Variants in TMPRSS6 observed in about 807,000 individuals in gnomAD.
The protein encoded by TMPRSS6 is transmembrane protease serine 6.
Under a neutral mutation model 101.5 loss-of-function variants are expected in TMPRSS6, and 67 were observed. The observed-to-expected ratio is 0.66, with a 90% confidence interval of 0.54 to 0.81. The LOEUF (loss-of-function observed/expected upper bound fraction) is 0.81. Among genes scored for constraint, TMPRSS6 ranks in the 30% least tolerant of loss-of-function variants. The pLI is 0.00. For synonymous variants in TMPRSS6, 453 were observed against 464.9 expected (o/e 0.97, Z 0.33); for missense variants, 1,034 against 1,088.7 (o/e 0.95, Z 0.71).
chr22:37,075,677 T>C (rs1230407760), intron 10 of TMPRSS6, among the ~76,000 whole-genome samples: 1 of 152,006 alleles, frequency 6.6e-6, no homozygotes, highest in African/African-American at 2.4e-5. Flanking sequence ...CTGAGGTGGG[T>C]GGATCACCTG....
At chr22:37,082,082 A>G (rs1928315764) in intron 10 of TMPRSS6, among the ~76,000 whole-genome samples, 2 of 152,288 alleles carry the variant, frequency 1.3e-5, no homozygotes, top group African/African-American at 2.4e-5. Flanking sequence ...GGGCCTTCCC[A>G]CAGGAAGCAT....
chr22:37,096,177 T>TCCGCACCTC, intron 4 of TMPRSS6, 87 bp from the exon 5 acceptor site: 1 of 1,458,334 alleles, frequency 6.9e-7, no homozygotes, highest in South Asian at 1.2e-5. Context: ...TCGAGCACTT[T>TCCGCACCTC]CCGCACCTCA....
intron 10 of TMPRSS6, among the ~76,000 whole-genome samples, chr22:37,078,480 C>T (rs1048574201): frequency 1.3e-5 from 2 of 152,052 alleles, no homozygotes; most frequent in Non-Finnish European, 2.9e-5. Flanking sequence ...GCCTGGAGCA[C>T]GGGTAGAGGT....
chr22:37,073,007 A>T (rs111524440), intron 13 of TMPRSS6, among the ~76,000 whole-genome samples: 6,704 of 147,058 alleles, frequency 0.046, 492 homozygotes, highest in African/African-American at 0.16. Context: ...TGATGGATGG[A>T]TGATGGATGG....
At chr22:37,091,085 ATCATTCATTCAT>A (rs561861674) in intron 6 of TMPRSS6, among the ~76,000 whole-genome samples, 1 of 151,790 alleles carries the variant, frequency 6.6e-6, no homozygotes, top group African/African-American at 2.4e-5. Context: ...TACCACCTGC[ATCATTCATTCAT>A]TCATTCATTC....
At chr22:37,085,707 TG>T (rs1185546037) in intron 8 of TMPRSS6, among the ~76,000 whole-genome samples, 2 of 148,456 alleles carry the variant, frequency 1.3e-5, no homozygotes, top group Non-Finnish European at 3.0e-5. Context: ...AGGAGGAGGG[TG>T]GGGGCTGGGA....
In TMPRSS6 at chr22:37,103,381, G is replaced by A. The variant is rs769829956; in HGVS notation, c.37C>T (p.Gln13Ter). ...TCCTCGCCATCACCTCCGTCCCCCT[G>A]CCCGCCAGCCACCTGGGGGGCCTCG... ...VAEAPQVAGG[Q>*]GDGGDGEEAE... The change falls in exon 2 of 18, where the codon CAG (glutamine) becomes TAG (stop). Residue 13 changes from glutamine to a stop codon, truncating the protein, a stop_gained. Coordinates refer to ENST00000676104, the MANE Select transcript of TMPRSS6 (RefSeq NM_001374504.1). LOFTEE classifies it high-confidence loss of function. This position sits in a 1 kb window ranked among gnomAD's most constrained non-coding sequence, Gnocchi z 4.4. 3.7e-6 allele frequency: 6 copies of A among 1,614,028 alleles called. No homozygotes were observed. The African/African-American group carries it at 8.0e-5, about 22-fold the overall frequency.
In TMPRSS6 at chr22:37,096,533, C is replaced by G. The variant is rs182593163; in HGVS notation, c.404+115G>C. ...CAGGAAGCCAAGTTCCCTCTCTATG[C>G]CTTAGTTTCCCCATTTGAAACATGA... is the stretch of plus-strand genomic sequence containing the variant. On this transcript the variant is annotated intron_variant, in intron 4 of 17. Transcript: ENST00000676104. 9 of 1,195,480 alleles carry G rather than the reference C, an allele frequency of 7.5e-6. No individual in the cohort carries two copies. In the Admixed American group the frequency reaches 1.8e-4, roughly 24 times the overall value. The allele number at this position is 1,195,480 out of a possible 1,614,324, so 74.1% of individuals were successfully genotyped here.
rs111225958 is a variant in TMPRSS6, at chr22:37,075,000, T to TAC, written c.1342+133_1342+134dup. 12,043 of 1,411,180 alleles carry TAC rather than the reference T, an allele frequency of 8.5e-3. 30 individuals carry two copies. The highest frequency in any genetic ancestry group is 0.017 in the Middle Eastern group (86 of 5,048). The allele number at this position is 1,411,180 out of a possible 1,614,324, so 87.4% of individuals were successfully genotyped here. A position where few individuals can be genotyped will look rare whatever the true frequency, so the allele number is the denominator to read the frequency against. ...AGCTGCATAAATTTGTGCAAGCACA[T>TAC]ACACACACACACACACTCTCTCTCT... On this transcript the variant is annotated intron_variant, in intron 11 of 17. Coordinates refer to ENST00000676104, the MANE Select transcript of TMPRSS6 (RefSeq NM_001374504.1).
intron 8 of TMPRSS6, 57 bp from the exon 9 acceptor site, chr22:37,084,896 C>G: frequency 7.2e-7 from 1 of 1,382,902 alleles, no homozygotes; most frequent in Non-Finnish European, 1.0e-6. Flanking sequence ...TCCCAGCAGG[C>G]TGGCGCAGCT....
Position 37,100,578 on chromosome 22 carries a change from T to G in TMPRSS6, c.203-2029A>C, listed in dbSNP as rs564880319. ...GTAAGGGGAAGGTGCCAGAAAGAAG[T>G]GGTCTTGGACTGGGATGTTGGAGGT... On this transcript the variant is annotated intron_variant, in intron 2 of 17. Transcript: ENST00000676104. Among the ~76,000 whole-genome samples the G allele has an allele frequency of 9.9e-5, 15 of 152,208 alleles. No individual in the cohort carries two copies. In the South Asian group the frequency reaches 1.9e-3, roughly 19 times the overall value.
At chr22:37,082,573 G>A (rs1322450824) in intron 10 of TMPRSS6, 1 of 182,212 alleles carries the variant, frequency 5.5e-6, no homozygotes, top group African/African-American at 2.4e-5. Context: ...GTAGCAAGGA[G>A]GCTTCAAGTG....
At position 37,098,452 on chromosome 22, in the gene TMPRSS6, A is replaced by G. The variant is rs1351326974; in HGVS notation, c.300T>C (p.Ser100=). The change falls in exon 3 of 18, where the codon AGT becomes AGC. Residue 100 remains serine (S), a synonymous_variant. Transcript: ENST00000676104. ...FSQDLTRRES[S]AFRSETAKAQ... ...CTTTGGCGGTTTCACTGCGGAAGGCACTAGATTCCCGGCGGGTAAGATCCT... is the reference window on the plus strand; with the variant it reads ...CTTTGGCGGTTTCACTGCGGAAGGCGCTAGATTCCCGGCGGGTAAGATCCT... The G allele has an allele frequency of 6.2e-7, 1 of 1,613,354 alleles. No homozygotes were observed. Among genetic ancestry groups the G allele is most frequent in the African/African-American group, 1.3e-5 (1 of 74,588 alleles).
chr22:37,102,536 G>C (rs79352558), intron 2 of TMPRSS6, among the ~76,000 whole-genome samples: 1 of 152,182 alleles, frequency 6.6e-6, no homozygotes, highest in Non-Finnish European at 1.5e-5. Context: ...ATGAATGAAT[G>C]AACGGAGGCC....
At chr22:37,077,200 A>AT (rs201297123) in intron 10 of TMPRSS6, among the ~76,000 whole-genome samples, 2,795 of 152,248 alleles carry the variant, frequency 0.018, 30 homozygotes, top group Non-Finnish European at 0.027. Flanking sequence ...CTCTCATCCC[A>AT]TTTTACAGAT....
rs529212316 is a variant in TMPRSS6 at position 37,069,954 on chromosome 22, T to A, written c.1841+530A>T. Among the ~76,000 whole-genome samples the A allele has an allele frequency of 4.6e-5, 7 of 152,152 alleles. No homozygotes were observed. Among genetic ancestry groups the A allele is most frequent in the African/African-American group, 1.4e-4 (6 of 41,506 alleles). On this transcript the variant is annotated intron_variant, in intron 15 of 17. Coordinates refer to ENST00000676104, the MANE Select transcript of TMPRSS6 (RefSeq NM_001374504.1). This position sits in a 1 kb window ranked among gnomAD's most constrained non-coding sequence, Gnocchi z 4.8. The stretch of plus-strand genomic sequence containing the variant: ...GTCCCAGAGAGGATACAAAAGGGGA[T>A]CCCTGTGCAGGGCCTGGGGGCGGGA...
chr22:37,106,890 G>A (rs1022840718), intron 1 of TMPRSS6, among the ~76,000 whole-genome samples: 3 of 152,218 alleles, frequency 2.0e-5, no homozygotes, highest in Non-Finnish European at 2.9e-5. Context: ...GCCAGGCACT[G>A]GGTTCTGGGC....
rs537186519 is a variant in TMPRSS6, at chr22:37,077,457, CAG to C, written c.1197-2179_1197-2178del. 8.7e-4 allele frequency among the ~76,000 whole-genome samples: 132 copies of C among 152,358 alleles called. 1 individual carries two copies. The highest frequency in any genetic ancestry group is 6.8e-3 in the Middle Eastern group (2 of 294). On this transcript the variant is annotated intron_variant, in intron 10 of 17. Coordinates refer to ENST00000676104, the MANE Select transcript of TMPRSS6 (RefSeq NM_001374504.1). The stretch of plus-strand genomic sequence containing the variant: ...CAACCAGCAGTTCTCAAAGCACAGT[CAG>C]GGGACCCCTGGGGGTCCAAAAGTCA...
chr22:37,068,559 G>A (rs1479682704), intron 16 of TMPRSS6: 29 of 778,212 alleles, frequency 3.7e-5, no homozygotes, highest in Non-Finnish European at 6.7e-5. Context: ...GGGCTCTGGA[G>A]GCAGCCAGCC....
Sources: allele counts gnomAD v4.1 joint callset (sites outside exome capture counted in the v4.1 genomes callset), GRCh38; gene constraint gnomAD v4.1.1; non-coding constraint Gnocchi (gnomAD v3.1); transcripts MANE v1.5; gene names NCBI Gene and HGNC (gene_info 2026-07-23, HGNC 2026-07-21).